FAM168A: variants seen among roughly 807,000 people sequenced by gnomAD.
FAM168A encodes protein FAM168A.
FAM168A carries 3 observed loss-of-function variants against 28.5 expected under a neutral mutation model. The observed-to-expected ratio is 0.11, with a 90% confidence interval of 0.05 to 0.27. FAM168A has a LOEUF of 0.27. FAM168A is among the 10% of genes least tolerant of loss of function. The pLI, the probability that FAM168A is intolerant of heterozygous loss-of-function variation, is 1.00. For synonymous variants in FAM168A, 122 were observed against 124.2 expected, an observed-to-expected ratio of 0.98 and a Z score of 0.12; for missense variants, 222 against 311.5, an observed-to-expected ratio of 0.71 and a Z score of 2.16.
At chr11:73,575,730 G>A (rs1346094946) in intron 1 of FAM168A, among the ~76,000 whole-genome samples, 1 of 152,138 alleles carries the variant, frequency 6.6e-6, no homozygotes. Flanking sequence ...TTAGCTGGGT[G>A]TAGTGGCAGG....
At chr11:73,525,491 G>A (rs1156514646) in intron 1 of FAM168A, among the ~76,000 whole-genome samples, 4 of 152,154 alleles carry the variant, frequency 2.6e-5, no homozygotes, top group African/African-American at 9.7e-5. Flanking sequence ...GCATCCCCAA[G>A]TACAGGTCCT....
chr11:73,565,064 GA>G (rs986837846), intron 1 of FAM168A, among the ~76,000 whole-genome samples: 5 of 152,230 alleles, frequency 3.3e-5, no homozygotes, highest in African/African-American at 9.6e-5. Flanking sequence ...GGCCTCAAGG[GA>G]AGTGACTGCC....
intron 1 of FAM168A, among the ~76,000 whole-genome samples, chr11:73,563,362 G>T (rs913008608): frequency 6.6e-6 from 1 of 152,192 alleles, no homozygotes; most frequent in African/African-American, 2.4e-5. Flanking sequence ...GCTATTAGCT[G>T]AGGTTTAGAG....
At chr11:73,590,958 C>G (rs1944373822) in intron 1 of FAM168A, among the ~76,000 whole-genome samples, 1 of 152,140 alleles carries the variant, frequency 6.6e-6, no homozygotes, top group Non-Finnish European at 1.5e-5. Flanking sequence ...GCCTGGCCAA[C>G]ATGGTGAAAT....
intron 1 of FAM168A, among the ~76,000 whole-genome samples, chr11:73,518,586 C>T (rs377105476): frequency 6.6e-6 from 1 of 151,746 alleles, no homozygotes; most frequent in Non-Finnish European, 1.5e-5. Context: ...CTGTTTGTTC[C>T]CTCCAGTGCT....
chr11:73,544,721 T>A (rs1330212403), intron 1 of FAM168A, among the ~76,000 whole-genome samples: 1 of 117,144 alleles, frequency 8.5e-6, no homozygotes, highest in African/African-American at 4.1e-5. Context: ...AATTATATAT[T>A]TTATATGTAA....
intron 1 of FAM168A, among the ~76,000 whole-genome samples, chr11:73,562,890 CCT>C (rs1943975494): frequency 6.6e-6 from 1 of 152,064 alleles, no homozygotes. Flanking sequence ...CAAAACGTAC[CCT>C]GAGTACCAGC....
In FAM168A at chr11:73,442,328, G is replaced by A. The variant is rs1417232066; in HGVS notation, c.71-11558C>T. Among the ~76,000 whole-genome samples the A allele has an allele frequency of 3.3e-5, 5 of 151,810 alleles. No homozygotes were observed. The South Asian group carries it at 6.2e-4, about 19-fold the overall frequency. On this transcript the variant is annotated intron_variant, in intron 2 of 7. Coordinates refer to ENST00000356467, the MANE Select transcript of FAM168A (RefSeq NM_015159.3). ...TTTTTAGTAGAGATGGGGTTTCGCC[G>A]TGTTAGCCAGGATGGTCTCGATCTC...
rs1246340136 is a variant in FAM168A, at chr11:73,418,112, A to G, written c.277+1762T>C. 2.6e-5 allele frequency among the ~76,000 whole-genome samples: 4 copies of G among 152,242 alleles called. No individual in the cohort carries two copies. The East Asian group carries it at 7.7e-4, about 29-fold the overall frequency. On this transcript the variant is annotated intron_variant, in intron 4 of 7. Coordinates refer to ENST00000356467, the MANE Select transcript of FAM168A (RefSeq NM_015159.3). ...TACAAAAGGTGAGTTACGTTGTATA[A>G]ACATAAACTGATGTTGACATCTAGG... is the stretch of plus-strand genomic sequence containing the variant.
rs765627065 is a variant in FAM168A at position 73,411,561 on chromosome 11, T to C, written c.278-25A>G. The C allele has an allele frequency of 3.7e-6, 6 of 1,613,544 alleles. No homozygotes were observed. The African/African-American group carries it at 5.3e-5, about 14-fold the overall frequency. On this transcript the variant is annotated intron_variant, in intron 4 of 7. Coordinates refer to ENST00000356467, the MANE Select transcript of FAM168A (RefSeq NM_015159.3). ...CCTGTACCAAGGCAATAAGAGAGAC[T>C]TCCAGTTAGTTGGCAGAAAAGCATT...
chr11:73,407,409 T>C, intron 7 of FAM168A, 104 bp downstream of exon 7: 1 of 659,944 alleles, frequency 1.5e-6, no homozygotes, highest in Non-Finnish European at 2.4e-6. Context: ...TTGACAGCTG[T>C]TACCTGCCCT....
At chr11:73,484,056 C>T (rs1483451198) in intron 1 of FAM168A, among the ~76,000 whole-genome samples, 1 of 152,144 alleles carries the variant, frequency 6.6e-6, no homozygotes, top group African/African-American at 2.4e-5. Flanking sequence ...GCTTGGTTCC[C>T]AATGTACTTT....
intron 4 of FAM168A, among the ~76,000 whole-genome samples, chr11:73,415,547 G>A (rs185896176): frequency 1.3e-5 from 2 of 152,242 alleles, no homozygotes; most frequent in Non-Finnish European, 2.9e-5. Flanking sequence ...AACTTCTCTA[G>A]TGCTGACATT....
chr11:73,548,880 C>T (rs775375624), intron 1 of FAM168A, among the ~76,000 whole-genome samples: 17 of 152,152 alleles, frequency 1.1e-4, no homozygotes, highest in Admixed American at 1.3e-4. Context: ...AAGTGGTCCT[C>T]CCTCCTTGGC....
intron 4 of FAM168A, among the ~76,000 whole-genome samples, chr11:73,416,011 C>T (rs1866688351): frequency 6.6e-6 from 1 of 152,182 alleles, no homozygotes. Flanking sequence ...GCTCACCCTG[C>T]CCTAGGCAGA....
intron 2 of FAM168A, among the ~76,000 whole-genome samples, chr11:73,434,225 T>C (rs1028906032): frequency 2.0e-5 from 3 of 152,210 alleles, no homozygotes; most frequent in African/African-American, 7.2e-5. Context: ...TTAGGGACTT[T>C]TGTCAGTGAA....
intron 4 of FAM168A, among the ~76,000 whole-genome samples, chr11:73,412,874 CATATA>C: frequency 6.6e-6 from 1 of 152,156 alleles, no homozygotes; most frequent in Non-Finnish European, 1.5e-5. Context: ...CTGTTTCTAT[CATATA>C]ATAAGGGACT....
At chr11:73,554,311 G>A (rs1269933669) in intron 1 of FAM168A, among the ~76,000 whole-genome samples, 1 of 151,876 alleles carries the variant, frequency 6.6e-6, no homozygotes, top group Admixed American at 6.6e-5. Flanking sequence ...GGAGTTTGAG[G>A]CTGCAGTGAG....
At chr11:73,569,357 G>A (rs557327317) in intron 1 of FAM168A, among the ~76,000 whole-genome samples, 34 of 152,158 alleles carry the variant, frequency 2.2e-4, no homozygotes, top group Admixed American at 1.5e-3. Context: ...CACACACAGC[G>A]GTCTTATCCA....
Sources: allele counts gnomAD v4.1 joint callset (sites outside exome capture counted in the v4.1 genomes callset), GRCh38; gene constraint gnomAD v4.1.1; transcripts MANE v1.5; gene names NCBI Gene and HGNC (gene_info 2026-07-23, HGNC 2026-07-21).